Variants in GNG4 observed in about 807,000 individuals in gnomAD.
GNG4 encodes the protein G protein subunit gamma 4.
In GNG4, 4 loss-of-function variants were observed where a neutral mutation model predicts 5.8. The ratio of observed to expected loss-of-function variants is 0.69; its 90% confidence interval spans 0.34 to 1.57. GNG4 has a LOEUF of 1.57. GNG4 is among the 40% of genes most tolerant of loss of function. The pLI is 0.06. For missense variants in GNG4, 96 were observed against 95.1 expected (o/e 1.01, Z -0.04); for synonymous variants, 29 against 32.9 (o/e 0.88, Z 0.41).
chr1:235,607,084 G>A (rs1688378790), intron 1 of GNG4, among the ~76,000 whole-genome samples: 1 of 151,434 alleles, frequency 6.6e-6, no homozygotes, highest in Admixed American at 6.6e-5. Context: ...GATTACAGGT[G>A]CGCACCACCA....
intron 1 of GNG4, among the ~76,000 whole-genome samples, chr1:235,632,052 G>A (rs73122535): frequency 3.3e-5 from 5 of 152,170 alleles, no homozygotes; most frequent in Non-Finnish European, 7.3e-5. Context: ...TGAACAGCCC[G>A]TCATGCAGGG....
intron 1 of GNG4, among the ~76,000 whole-genome samples, chr1:235,607,865 G>T (rs1326021483): frequency 6.6e-6 from 1 of 152,056 alleles, no homozygotes; most frequent in Non-Finnish European, 1.5e-5. Context: ...TTCTGATGTG[G>T]GACTTTGAGG....
intron 2 of GNG4, among the ~76,000 whole-genome samples, chr1:235,593,199 T>G (rs1231064495): frequency 6.6e-6 from 1 of 152,182 alleles, no homozygotes; most frequent in Non-Finnish European, 1.5e-5. Flanking sequence ...TCCACCCGTC[T>G]TGGCCTCCCA....
chr1:235,605,660 C>T (rs1688342351), intron 1 of GNG4, among the ~76,000 whole-genome samples: 1 of 152,132 alleles, frequency 6.6e-6, no homozygotes, highest in Non-Finnish European at 1.5e-5. Context: ...TGAATGGGAC[C>T]CACTAGGCAC....
chr1:235,596,190 CAAA>C (rs113484983), intron 1 of GNG4, among the ~76,000 whole-genome samples: 5 of 68,078 alleles, frequency 7.3e-5, no homozygotes, highest in Non-Finnish European at 1.4e-4. Flanking sequence ...AAAAACAAAA[CAAA>C]AACAAACAAA....
rs573422866 is a variant in GNG4, at chr1:235,619,354, G to A, written c.-122-23843C>T. Among the ~76,000 whole-genome samples, 71 of 151,764 alleles carry A rather than the reference G, an allele frequency of 4.7e-4. 1 individual carries two copies. The highest frequency in any genetic ancestry group is 2.6e-3 in the Admixed American group (39 of 15,208). On this transcript the variant is annotated intron_variant, in intron 1 of 3. Transcript: ENST00000391854. ...GGAGGCTGCAGTGAGCCAAGATTGC[G>A]CCACTGCACTCCGGCCTGGGTGACA...
Position 235,564,843 on chromosome 1 carries a change from G to A in GNG4, c.100-12606C>T, listed in dbSNP as rs550621331. ...TGGGACCACAGGCGTGTGCCTCCAC[G>A]CCCGGCTTATTTTGGTATTCTTAGT... On this transcript the variant is annotated intron_variant, in intron 3 of 3. Coordinates refer to ENST00000391854, the MANE Select transcript of GNG4 (RefSeq NM_001098722.2). 2.0e-3 allele frequency among the ~76,000 whole-genome samples: 310 copies of A among 152,212 alleles called. 1 individual carries two copies. The highest frequency in any genetic ancestry group is 7.1e-3 in the African/African-American group (293 of 41,536).
chr1:235,613,479 T>C (rs1489236168), intron 1 of GNG4, among the ~76,000 whole-genome samples: 2 of 152,124 alleles, frequency 1.3e-5, no homozygotes, highest in Non-Finnish European at 2.9e-5. Flanking sequence ...TAGTGGACCC[T>C]ATGCAATCAC....
chr1:235,589,282 G>T (rs1174056317), intron 2 of GNG4, among the ~76,000 whole-genome samples: 1 of 152,160 alleles, frequency 6.6e-6, no homozygotes, highest in African/African-American at 2.4e-5. Context: ...GGTAGACAGG[G>T]GGAGCCAGGG....
In GNG4 at chr1:235,556,618, A is replaced by C. The variant is rs368602785; in HGVS notation, c.100-4381T>G. Among the ~76,000 whole-genome samples, 17 of 150,992 alleles carry C rather than the reference A, an allele frequency of 1.1e-4. No homozygotes were observed. In the East Asian group the frequency reaches 2.4e-3, roughly 21 times the overall value. On this transcript the variant is annotated intron_variant, in intron 3 of 3. Transcript: ENST00000391854. ...TTGAAGCTAAGCTGTACTGTACTAC[A>C]GCCGTCCCCAACGTTTTCGGCACGA...
intron 1 of GNG4, among the ~76,000 whole-genome samples, chr1:235,630,686 G>A (rs376416236): frequency 2.2e-4 from 33 of 152,302 alleles, no homozygotes; most frequent in African/African-American, 7.2e-4. Context: ...TGACCTAGAC[G>A]CATGGCCTGT....
At chr1:235,611,020 G>A (rs1688466015) in intron 1 of GNG4, among the ~76,000 whole-genome samples, 1 of 152,168 alleles carries the variant, frequency 6.6e-6, no homozygotes, top group South Asian at 2.1e-4. Flanking sequence ...CCCAGGAGGC[G>A]GAGTTTGCAG....
intron 1 of GNG4, among the ~76,000 whole-genome samples, chr1:235,600,416 T>G (rs1688233133): frequency 7.9e-6 from 1 of 126,260 alleles, no homozygotes; most frequent in African/African-American, 3.2e-5. Context: ...CGCCTGGCTT[T>G]TGTGTGTGTG....
chr1:235,609,524 T>G (rs1400594016), intron 1 of GNG4, among the ~76,000 whole-genome samples: 1 of 152,186 alleles, frequency 6.6e-6, no homozygotes, highest in Non-Finnish European at 1.5e-5. Flanking sequence ...ATATGCTTGT[T>G]GGCATCATTT....
intron 1 of GNG4, among the ~76,000 whole-genome samples, chr1:235,645,156 A>C (rs766583996): frequency 1.2e-4 from 18 of 152,148 alleles, no homozygotes; most frequent in Non-Finnish European, 2.1e-4. Context: ...GAGTCCCAGC[A>C]TGGGGCATGA....
At chr1:235,616,502 A>G (rs1179776287) in intron 1 of GNG4, 1 of 205,138 alleles carries the variant, frequency 4.9e-6, no homozygotes, top group African/African-American at 2.4e-5. Context: ...AGGTTGTTCC[A>G]TGAAAAACTT....
At chr1:235,575,591 C>T (rs1687464056) in intron 3 of GNG4, among the ~76,000 whole-genome samples, 1 of 152,198 alleles carries the variant, frequency 6.6e-6, no homozygotes, top group African/African-American at 2.4e-5. Flanking sequence ...TGAGCACACC[C>T]ACCCCACGGA....
chr1:235,553,904 G>T (rs191161769), intron 3 of GNG4, among the ~76,000 whole-genome samples: 18 of 152,284 alleles, frequency 1.2e-4, no homozygotes, highest in African/African-American at 4.3e-4. Flanking sequence ...TTTACTCTAA[G>T]ACGTCTATGA....
intron 3 of GNG4, among the ~76,000 whole-genome samples, chr1:235,565,420 C>T (rs1687170234): frequency 1.3e-5 from 2 of 152,212 alleles, no homozygotes; most frequent in African/African-American, 4.8e-5. Flanking sequence ...AGGAGAATCA[C>T]TTGAACCCAG....
Sources: gnomAD v4.1 joint callset for allele counts (sites outside exome capture counted in the v4.1 genomes callset) on GRCh38, gnomAD v4.1.1 for gene constraint, MANE v1.5 for transcripts, NCBI Gene and HGNC (gene_info 2026-07-23, HGNC 2026-07-21) for gene names.